Variants in GEMIN2 observed in about 807,000 individuals in gnomAD.
GEMIN2 encodes gem-associated protein 2.
GEMIN2 carries 37 observed loss-of-function variants against 45.8 expected under a neutral mutation model. That is an observed-to-expected ratio of 0.81 (90% CI 0.62 to 1.06). The LOEUF is 1.06. Among genes scored for constraint, GEMIN2 ranks in the 50% least tolerant of loss-of-function variants. The pLI is 0.00. For synonymous variants in GEMIN2, 101 were observed against 111.5 expected (o/e 0.91, Z 0.60); for missense variants, 335 against 321.8 (o/e 1.04, Z -0.31).
At position 39,131,955 on chromosome 14, in the gene GEMIN2, T is replaced by C; in HGVS notation, c.601-3T>C. 6.7e-7 allele frequency: 1 copy of C among 1,482,508 alleles called. No homozygotes were observed. The allele number at this position is 1,482,508 out of a possible 1,614,324, so 91.8% of individuals were successfully genotyped here. ...AATATTAATTTTTTGAATTTTTTTT[T>C]AGGGAAGATGGCTTTATGCTTTATT... On this transcript the variant is annotated splice_region_variant and splice_polypyrimidine_tract_variant and intron_variant, in intron 7 of 9. Transcript: ENST00000308317.
At chr14:39,118,498 T>G (rs1224019625) in intron 3 of GEMIN2, 42 bp from the exon 4 acceptor site, 2 of 885,804 alleles carry the variant, frequency 2.3e-6, no homozygotes, top group African/African-American at 3.3e-5. Context: ...GTTATCCATT[T>G]TTTGAAGAGT....
At chr14:39,136,171 A>G (rs1422911168) in intron 9 of GEMIN2, among the ~76,000 whole-genome samples, 2 of 152,174 alleles carry the variant, frequency 1.3e-5, no homozygotes, top group Non-Finnish European at 2.9e-5. Flanking sequence ...ATACAGAACA[A>G]TCTGTTCTGT....
At position 39,128,067 on chromosome 14, in the gene GEMIN2, C is replaced by CAAAAAAAAAAAAAAAAAAAAAAAAAA. The variant is rs1212260025; in HGVS notation, c.532-212_532-187dup. On this transcript the variant is annotated intron_variant, in intron 6 of 9. Coordinates refer to ENST00000308317, the MANE Select transcript of GEMIN2 (RefSeq NM_003616.3). ...TGGGCAACAGAGTGAGACTCTATCT[C>CAAAAAAAAAAAAAAAAAAAAAAAAAA]AAAAAAAAAAAAAAAAAAAAAAAAA... 2.8e-4 allele frequency among the ~76,000 whole-genome samples: 3 copies of CAAAAAAAAAAAAAAAAAAAAAAAAAA among 10,552 alleles called. 1 individual carries two copies. The highest frequency in any genetic ancestry group is 2.0e-4 in the African/African-American group (1 of 5,070). 6.9% of individuals were successfully genotyped at this position (10,552 alleles called of 152,430 possible).
chr14:39,127,494 C>T (rs897644171), intron 6 of GEMIN2, among the ~76,000 whole-genome samples: 2 of 151,976 alleles, frequency 1.3e-5, no homozygotes, highest in Admixed American at 1.3e-4. Flanking sequence ...ATTCACTCAC[C>T]ACCATGCCCG....
chr14:39,120,866 A>G (rs1052613562), intron 4 of GEMIN2, among the ~76,000 whole-genome samples: 1 of 152,158 alleles, frequency 6.6e-6, no homozygotes, highest in South Asian at 2.1e-4. Flanking sequence ...ACCTCAGGTG[A>G]TTCATCCTAA....
intron 9 of GEMIN2, chr14:39,134,515 C>T (rs2052759752): frequency 6.6e-6 from 1 of 152,162 alleles, no homozygotes; most frequent in African/African-American, 2.4e-5. Context: ...ATTGCCAGTA[C>T]CTTTTTAAAG....
chr14:39,130,757 T>C (rs908383616), intron 7 of GEMIN2, among the ~76,000 whole-genome samples: 8 of 151,508 alleles, frequency 5.3e-5, no homozygotes, highest in Non-Finnish European at 7.4e-5. Flanking sequence ...TAGCTGAGCA[T>C]GGTGGCGGGC....
intron 2 of GEMIN2, among the ~76,000 whole-genome samples, chr14:39,116,691 G>A (rs1322599506): frequency 6.6e-6 from 1 of 152,052 alleles, no homozygotes; most frequent in East Asian, 1.9e-4. Flanking sequence ...CCTCTTCAGG[G>A]TTTTTTAGTT....
chr14:39,120,603 G>C (rs1456380042), intron 4 of GEMIN2, among the ~76,000 whole-genome samples: 1 of 113,118 alleles, frequency 8.8e-6, no homozygotes, highest in Non-Finnish European at 1.9e-5. Flanking sequence ...CATGTTCATC[G>C]TGAGGTTTTA....
At chr14:39,134,405 A>G (rs889268086) in intron 9 of GEMIN2, 1 of 152,066 alleles carries the variant, frequency 6.6e-6, no homozygotes, top group African/African-American at 2.4e-5. Flanking sequence ...TTTTGTGGAG[A>G]CGGAGTTTCA....
At chr14:39,116,813 C>T (rs1326933546) in intron 2 of GEMIN2, among the ~76,000 whole-genome samples, 1 of 152,086 alleles carries the variant, frequency 6.6e-6, no homozygotes, top group African/African-American at 2.4e-5. Context: ...TACAGTGCCA[C>T]GATCATAGCT....
chr14:39,128,485 CTTTTTTTTTTTTTT>C (rs71130820), intron 7 of GEMIN2, 137 bp downstream of exon 7: 1 of 147,182 alleles, frequency 6.8e-6, no homozygotes, highest in Non-Finnish European at 1.1e-5. Flanking sequence ...TTTTTCTTTT[CTTTTTTTTTTTTTT>C]TTTTTTTTTG....
Position 39,114,397 on chromosome 14 carries a change from T to G in GEMIN2, c.59T>G (p.Val20Gly). The change falls in exon 1 of 10, where the codon GTA (valine) becomes GGA (glycine). Residue 20 changes from valine to glycine, a missense_variant. Transcript: ENST00000308317. ...VEELMPRLLP[V>G]EPCDLTEGFD... ...GAGTTGATGCCTCGGCTATTGCCGG[T>G]AGAGCCTTGCGACTTGACGGAAGGT... The G allele has an allele frequency of 6.2e-7, 1 of 1,613,970 alleles. No individual in the cohort carries two copies. Among genetic ancestry groups the G allele is most frequent in the South Asian group, 1.1e-5 (1 of 91,072 alleles).
At chr14:39,121,161 C>T (rs542148088) in intron 4 of GEMIN2, among the ~76,000 whole-genome samples, 1 of 152,032 alleles carries the variant, frequency 6.6e-6, no homozygotes, top group African/African-American at 2.4e-5. Context: ...TTTTTTCCCC[C>T]ATACTTATTT....
At chr14:39,130,945 T>C (rs1382667544) in intron 7 of GEMIN2, among the ~76,000 whole-genome samples, 1 of 151,566 alleles carries the variant, frequency 6.6e-6, no homozygotes, top group Admixed American at 6.6e-5. Flanking sequence ...TTTTATTATG[T>C]ATTATAAATA....
At chr14:39,134,385 A>C (rs933737391) in intron 9 of GEMIN2, 4 of 152,118 alleles carry the variant, frequency 2.6e-5, no homozygotes, top group African/African-American at 9.7e-5. Flanking sequence ...TGCCCGGCTA[A>C]TTTTTGTAAT....
intron 5 of GEMIN2, 55 bp downstream of exon 5, chr14:39,122,598 T>C: frequency 4.4e-6 from 4 of 912,930 alleles, no homozygotes; most frequent in Non-Finnish European, 5.2e-6. Flanking sequence ...GGTGCACCAC[T>C]TAATATAAGG....
At chr14:39,114,552 G>A (rs574757458) in intron 1 of GEMIN2, 77 bp downstream of exon 1, 24 of 1,068,320 alleles carry the variant, frequency 2.2e-5, no homozygotes, top group Admixed American at 1.6e-4. Flanking sequence ...CTCTATTCCC[G>A]TTCCAGTCTG....
At chr14:39,115,536 A>C (rs1214215192) in intron 2 of GEMIN2, among the ~76,000 whole-genome samples, 3 of 143,166 alleles carry the variant, frequency 2.1e-5, no homozygotes, top group African/African-American at 7.9e-5. Flanking sequence ...AGCTCACTGC[A>C]ACCTCTGCCT....
Sources: allele counts gnomAD v4.1 joint callset (sites outside exome capture counted in the v4.1 genomes callset), GRCh38; gene constraint gnomAD v4.1.1; transcripts MANE v1.5; gene names NCBI Gene and HGNC (gene_info 2026-07-23, HGNC 2026-07-21).